The following TVP23A variants were observed in gnomAD, a reference collection of about 807,000 sequenced individuals.
TVP23A encodes the protein trans-golgi network vesicle protein 23 homolog A, also known as Golgi apparatus membrane protein TVP23 homolog A.
Under a neutral mutation model 31.7 loss-of-function variants are expected in TVP23A, and 21 were observed. That is an observed-to-expected ratio of 0.66 (90% CI 0.47 to 0.95). The LOEUF is 0.95. TVP23A is among the 40% of genes least tolerant of loss of function. TVP23A has a pLI of 0.00. For missense variants in TVP23A, 279 were observed against 255.6 expected (o/e 1.09, Z -0.62); for synonymous variants, 104 against 96.0 (o/e 1.08, Z -0.49).
Position 10,779,393 on chromosome 16 carries a change from G to C in TVP23A, c.90-4297C>G, listed in dbSNP as rs562684159. On this transcript the variant is annotated intron_variant, in intron 2 of 7. Transcript: ENST00000299866. This position sits in a 1 kb window ranked among gnomAD's most constrained non-coding sequence, Gnocchi z 4.9. The stretch of plus-strand genomic sequence containing the variant: ...CAGAGTTTTGAGAGTCATGGCTTAA[G>C]TCCTGTCCACTCGTCTCTGCCATCG... Among the ~76,000 whole-genome samples the C allele has an allele frequency of 1.3e-5, 2 of 152,250 alleles. No homozygotes were observed. Among genetic ancestry groups the C allele is most frequent in the East Asian group, 3.9e-4 (2 of 5,182 alleles).
chr16:10,763,969 T>C (rs2030428170), downstream of TVP23A: 1 of 191,402 alleles, frequency 5.2e-6, no homozygotes, highest in Non-Finnish European at 1.1e-5. Context: ...CACAGGAGTA[T>C]CTCAGGCCAC....
rs1317234570 is a variant in TVP23A at position 10,767,873 on chromosome 16, G to A, written c.*1229C>T. 2.2e-6 allele frequency: 3 copies of A among 1,370,622 alleles called. No homozygotes were observed. The highest frequency in any genetic ancestry group is 3.1e-6 in the Non-Finnish European group (3 of 959,856). 84.9% of individuals were successfully genotyped at this position (1,370,622 alleles called of 1,614,324 possible). ...AGATCTTCCCATTGTCACCAGCACG[G>A]AAAGAGCCCCAAGATCTTGTGGCCA... On this transcript the variant is annotated 3_prime_UTR_variant, in exon 8 of 8. Coordinates refer to ENST00000299866, the MANE Select transcript of TVP23A (RefSeq NM_001079512.4). The surrounding 1 kb of genome is among the most constrained non-coding windows in gnomAD (Gnocchi z 4.6).
rs756365122 is a variant in TVP23A, at chr16:10,818,445, T to TCCCGC, written c.9+35_9+39dup. ...CCAGCGCTCCCGCAGGCTCCCCTCG[T>TCCCGC]CCCGCCCCGCCTCCAGCCCCAGCAT... On this transcript the variant is annotated intron_variant, in intron 1 of 7. Coordinates refer to ENST00000299866, the MANE Select transcript of TVP23A (RefSeq NM_001079512.4). This position sits in a 1 kb window ranked among gnomAD's most constrained non-coding sequence, Gnocchi z 4.7. 4 of 1,595,168 alleles carry TCCCGC rather than the reference T, an allele frequency of 2.5e-6. No homozygotes were observed. The highest frequency in any genetic ancestry group is 2.6e-6 in the Non-Finnish European group (3 of 1,175,090).
chr16:10,777,090 C>A lies in TVP23A; in HGVS notation c.90-1994G>T, dbSNP rs1481059349. 6.6e-6 allele frequency among the ~76,000 whole-genome samples: 1 copy of A among 152,122 alleles called. No homozygotes were observed. The highest frequency in any genetic ancestry group is 6.6e-5 in the Admixed American group (1 of 15,262). On this transcript the variant is annotated intron_variant, in intron 2 of 7. Transcript: ENST00000299866. This position sits in a 1 kb window ranked among gnomAD's most constrained non-coding sequence, Gnocchi z 4.5. ...AGGTCTCAGCCTCGTTTTACCCAGCCCCTATTCAAGATGGAGTTGCTCTGG... is the reference window on the plus strand; with the variant it reads ...AGGTCTCAGCCTCGTTTTACCCAGCACCTATTCAAGATGGAGTTGCTCTGG...
downstream of TVP23A, chr16:10,761,832 G>A (rs557472106): frequency 2.4e-5 from 39 of 1,614,074 alleles, no homozygotes; most frequent in South Asian, 4.4e-5. Context: ...CCCTCTCCTC[G>A]GCAGAGTGCC....
At chr16:10,770,995 C>G (rs970228767) in intron 6 of TVP23A, among the ~76,000 whole-genome samples, 35 of 151,066 alleles carry the variant, frequency 2.3e-4, no homozygotes, top group African/African-American at 8.5e-4. Flanking sequence ...TATAATTGCA[C>G]TTATAGGAGG....
At chr16:10,774,907 A>G (rs1596500118) in intron 3 of TVP23A, 45 bp downstream of exon 3, 1 of 1,565,800 alleles carries the variant, frequency 6.4e-7, no homozygotes, top group Non-Finnish European at 8.8e-7. Context: ...ACAGGGGACA[A>G]GCCTCGTGTT....
At chr16:10,817,789 G>GA (rs1443125840) in intron 2 of TVP23A, among the ~76,000 whole-genome samples, 8 of 152,254 alleles carry the variant, frequency 5.3e-5, no homozygotes, top group Admixed American at 6.5e-5. Flanking sequence ...CCTCAGAGAG[G>GA]CCCTCCATGG....
At chr16:10,781,914 T>G (rs1293764920) in intron 2 of TVP23A, among the ~76,000 whole-genome samples, 1 of 129,270 alleles carries the variant, frequency 7.7e-6, no homozygotes, top group Non-Finnish European at 1.5e-5. Flanking sequence ...CAGGCTGGAG[T>G]GCAGTGATAT....
chr16:10,818,462 C>G lies in TVP23A; in HGVS notation c.9+23G>C. Reference sequence around the variant, plus strand: ...TCCCCTCGTCCCGCCCCGCCTCCAGCCCCAGCATCCCCGAGGCCCTACCTG... The same window carrying G: ...TCCCCTCGTCCCGCCCCGCCTCCAGGCCCAGCATCCCCGAGGCCCTACCTG... On this transcript the variant is annotated intron_variant, in intron 1 of 7. Coordinates refer to ENST00000299866, the MANE Select transcript of TVP23A (RefSeq NM_001079512.4). The surrounding 1 kb of genome is among the most constrained non-coding windows in gnomAD (Gnocchi z 4.7). 1.2e-6 allele frequency: 2 copies of G among 1,603,460 alleles called. No homozygotes were observed. Among genetic ancestry groups the G allele is most frequent in the South Asian group, 2.2e-5 (2 of 89,812 alleles).
At chr16:10,769,949 G>A (rs2031431395) in intron 7 of TVP23A, among the ~76,000 whole-genome samples, 1 of 152,136 alleles carries the variant, frequency 6.6e-6, no homozygotes, top group African/African-American at 2.4e-5. Flanking sequence ...TGGGAAACAA[G>A]AACAAATCCC....
At chr16:10,809,068 G>A (rs1345301007) in intron 2 of TVP23A, among the ~76,000 whole-genome samples, 7 of 152,168 alleles carry the variant, frequency 4.6e-5, no homozygotes, top group Non-Finnish European at 5.9e-5. Context: ...CCCAGGATGC[G>A]GAAGTCACAC....
intron 2 of TVP23A, among the ~76,000 whole-genome samples, chr16:10,798,246 C>A (rs1335505063): frequency 1.3e-5 from 2 of 151,860 alleles, no homozygotes; most frequent in African/African-American, 4.8e-5. Flanking sequence ...GGTGTGCGCC[C>A]GCGCCCGGCC....
intron 2 of TVP23A, among the ~76,000 whole-genome samples, chr16:10,817,141 G>C (rs982781601): frequency 6.6e-6 from 1 of 152,200 alleles, no homozygotes; most frequent in African/African-American, 2.4e-5. Flanking sequence ...CTTGGTTTCA[G>C]CCCAGGAACA....
Position 10,818,248 on chromosome 16 carries a change from G to A in TVP23A, c.10-66C>T. The A allele has an allele frequency of 7.6e-7, 1 of 1,313,516 alleles. No individual in the cohort carries two copies. The highest frequency in any genetic ancestry group is 1.1e-6 in the Non-Finnish European group (1 of 949,750). The allele number at this position is 1,313,516 out of a possible 1,614,324, so 81.4% of individuals were successfully genotyped here. On this transcript the variant is annotated intron_variant, in intron 1 of 7. Transcript: ENST00000299866. The surrounding 1 kb of genome is among the most constrained non-coding windows in gnomAD (Gnocchi z 4.7). Reference sequence around the variant, plus strand: ...CGCACACCCCAACCCCACCCGCCCTGTCCTCCTGGGCTTGGACTCCACTTG... The same window carrying A: ...CGCACACCCCAACCCCACCCGCCCTATCCTCCTGGGCTTGGACTCCACTTG...
chr16:10,778,388 G>T (rs1457622550), intron 2 of TVP23A, among the ~76,000 whole-genome samples: 2 of 152,200 alleles, frequency 1.3e-5, no homozygotes, highest in African/African-American at 4.8e-5. Flanking sequence ...TGTTCCAGAA[G>T]ATAAGACTCT....
chr16:10,795,149 G>A (rs1342472865), intron 2 of TVP23A, among the ~76,000 whole-genome samples: 1 of 152,058 alleles, frequency 6.6e-6, no homozygotes, highest in Non-Finnish European at 1.5e-5. Flanking sequence ...GACCAACCTG[G>A]GCAACATGGT....
At chr16:10,758,778 A>G (rs974316369), downstream of TVP23A, among the ~76,000 whole-genome samples, 5 of 152,320 alleles carry the variant, frequency 3.3e-5, no homozygotes, top group African/African-American at 1.2e-4. Context: ...GGGTGCAGAT[A>G]GGGATTTCGG....
rs570266950 is a variant in TVP23A, at chr16:10,815,643, A to C, written c.89+2460T>G. On this transcript the variant is annotated intron_variant, in intron 2 of 7. Transcript: ENST00000299866. Reference sequence around the variant, plus strand: ...CACAGGACACTCCTTACAGCAAAGAAGTATCTGGCCTAAAATGTCTGGAGT... The same window carrying C: ...CACAGGACACTCCTTACAGCAAAGACGTATCTGGCCTAAAATGTCTGGAGT... Among the ~76,000 whole-genome samples the C allele has an allele frequency of 3.9e-5, 6 of 152,302 alleles. No homozygotes were observed. The East Asian group carries it at 1.2e-3, about 29-fold the overall frequency.
Sources: gnomAD v4.1 joint callset for allele counts (sites outside exome capture counted in the v4.1 genomes callset) on GRCh38, gnomAD v4.1.1 for gene constraint, Gnocchi (gnomAD v3.1) non-coding constraint, MANE v1.5 for transcripts, NCBI Gene and HGNC (gene_info 2026-07-23, HGNC 2026-07-21) for gene names.